Variants in CELF1 observed in about 807,000 individuals in gnomAD.
The protein encoded by CELF1 is CUGBP Elav-like family member 1, also known as 50 kDa nuclear polyadenylated RNA-binding protein.
A neutral mutation model predicts 61.8 loss-of-function variants in CELF1; 10 were observed. That is an observed-to-expected ratio of 0.16 (90% confidence interval 0.10 to 0.27). CELF1 has a LOEUF of 0.27. CELF1 is among the 10% of genes least tolerant of loss of function. The pLI is 1.00. For synonymous variants in CELF1, 236 were observed against 225.1 expected (o/e 1.05, Z -0.43); for missense variants, 380 against 639.1 (o/e 0.59, Z 4.37).
intron 4 of CELF1, 94 bp from the exon 5 acceptor site, chr11:47,487,335 G>A: frequency 6.6e-6 from 6 of 903,960 alleles, no homozygotes; most frequent in Non-Finnish European, 8.6e-6. Flanking sequence ...TCTTAAAAGA[G>A]GGCTGGGTTT....
At chr11:47,529,979 G>A (rs1444798000) in intron 1 of CELF1, among the ~76,000 whole-genome samples, 5 of 152,114 alleles carry the variant, frequency 3.3e-5, no homozygotes, top group African/African-American at 7.2e-5. Flanking sequence ...AGTTTGTAAA[G>A]AGTATATAAA....
intron 3 of CELF1, among the ~76,000 whole-genome samples, chr11:47,493,535 A>G (rs892380680): frequency 9.7e-5 from 14 of 144,052 alleles, no homozygotes; most frequent in Admixed American, 7.0e-4. Context: ...AAAAAAAAAA[A>G]GGGCGTGCAC....
chr11:47,546,608 C>T (rs1376152176), intron 1 of CELF1, among the ~76,000 whole-genome samples: 1 of 152,122 alleles, frequency 6.6e-6, no homozygotes, highest in Admixed American at 6.6e-5. Context: ...ATTATTCTAA[C>T]TAGGCCATTA....
chr11:47,472,984 AAAC>A (rs2078340476), intron 14 of CELF1, 101 bp downstream of exon 14: 12 of 1,364,414 alleles, frequency 8.8e-6, no homozygotes, highest in Non-Finnish European at 1.2e-5. Flanking sequence ...GGCCAAGTTA[AAAC>A]AACACCACAA....
chr11:47,490,484 T>C (rs2090861520), intron 3 of CELF1, among the ~76,000 whole-genome samples: 1 of 149,808 alleles, frequency 6.7e-6, no homozygotes, highest in African/African-American at 2.5e-5. Flanking sequence ...TGGAGTGCAA[T>C]GGCATGATCT....
In CELF1 at chr11:47,472,174, GCTC is replaced by G. The variant is rs2077914426; in HGVS notation, c.*53_*55del. 6.3e-6 allele frequency: 10 copies of G among 1,599,142 alleles called. No homozygotes were observed. In the East Asian group the frequency reaches 2.2e-4, roughly 36 times the overall value. On this transcript the variant is annotated 3_prime_UTR_variant, in exon 15 of 15. Transcript: ENST00000687097. ...CTCAGGGCTTCGAATCATTAAGGGT[GCTC>G]CTCCCCCACTTACCAGAAGACCCTC... is the stretch of plus-strand genomic sequence containing the variant.
chr11:47,468,976 ACAC>A lies in CELF1; in HGVS notation c.*3251_*3253del, dbSNP rs2077129366. On this transcript the variant is annotated 3_prime_UTR_variant, in exon 15 of 15. Transcript: ENST00000687097. ...CCAAACAAAGAGAGAGAGAACAGGA[ACAC>A]TCACTGTGTGTACAGCCCTGAAATG... The A allele has an allele frequency of 6.6e-6, 1 of 152,214 alleles. No homozygotes were observed. Among genetic ancestry groups the A allele is most frequent in the Admixed American group, 6.5e-5 (1 of 15,286 alleles). The allele number at this position is 152,214 out of a possible 1,614,324, so 9.4% of individuals were successfully genotyped here.
chr11:47,473,349 C>A, intron 13 of CELF1, 118 bp from the exon 14 acceptor site: 1 of 934,310 alleles, frequency 1.1e-6, no homozygotes. Flanking sequence ...AACAGAGATT[C>A]ATCTGGGGAA....
At chr11:47,524,207 T>G (rs1367951981) in intron 1 of CELF1, among the ~76,000 whole-genome samples, 1 of 152,102 alleles carries the variant, frequency 6.6e-6, no homozygotes, top group African/African-American at 2.4e-5. Context: ...CCTCATCTTT[T>G]TATACTCAAA....
rs1310947074 is a variant in CELF1 at position 47,470,677 on chromosome 11, G to A, written c.*1553C>T. 3.3e-5 allele frequency: 5 copies of A among 152,160 alleles called. No individual in the cohort carries two copies. The highest frequency in any genetic ancestry group is 7.2e-5 in the African/African-American group (3 of 41,430). 9.4% of individuals were successfully genotyped at this position (152,160 alleles called of 1,614,324 possible). A position where few individuals can be genotyped will look rare whatever the true frequency, so the allele number is the denominator to read the frequency against. On this transcript the variant is annotated 3_prime_UTR_variant, in exon 15 of 15. Transcript: ENST00000687097. The stretch of plus-strand genomic sequence containing the variant: ...TTTATTCTTATCTCTGCTGCTAGGG[G>A]TCAAGACTGGTATTTGTTGAGGTTT...
chr11:47,521,034 G>A (rs1342225237), intron 1 of CELF1, among the ~76,000 whole-genome samples: 1 of 152,192 alleles, frequency 6.6e-6, no homozygotes, highest in Admixed American at 6.5e-5. Flanking sequence ...GGCGGATCAC[G>A]AAGTTAGGAG....
chr11:47,505,371 T>C (rs1055294341), intron 1 of CELF1, among the ~76,000 whole-genome samples: 1 of 151,100 alleles, frequency 6.6e-6, no homozygotes, highest in Non-Finnish European at 1.5e-5. Flanking sequence ...CGGTGGCTCA[T>C]GCCTGGAATC....
intron 9 of CELF1, among the ~76,000 whole-genome samples, chr11:47,480,235 T>C (rs2082256071): frequency 6.6e-6 from 1 of 152,092 alleles, no homozygotes; most frequent in African/African-American, 2.4e-5. Context: ...CACAGGTGTG[T>C]ACCATCACAC....
In CELF1 at chr11:47,474,578, A is replaced by G. The variant is rs541644975; in HGVS notation, c.1273+758T>C. Among the ~76,000 whole-genome samples, 5 of 152,324 alleles carry G rather than the reference A, an allele frequency of 3.3e-5. No individual in the cohort carries two copies. The South Asian group carries it at 8.3e-4, about 25-fold the overall frequency. ...CCACTAAAATATTGGTTCACGCTAC[A>G]TTCTCCTACTACCACATCCCTAGGG... On this transcript the variant is annotated intron_variant, in intron 13 of 14. Transcript: ENST00000687097.
chr11:47,530,439 C>T (rs1000737373), intron 1 of CELF1, among the ~76,000 whole-genome samples: 1 of 152,130 alleles, frequency 6.6e-6, no homozygotes, highest in South Asian at 2.1e-4. Flanking sequence ...ATCAAGATAG[C>T]GTTTGGGACA....
intron 1 of CELF1, among the ~76,000 whole-genome samples, chr11:47,551,702 G>A (rs1038963312): frequency 6.6e-6 from 1 of 152,178 alleles, no homozygotes; most frequent in African/African-American, 2.4e-5. Flanking sequence ...ATCAAAGACA[G>A]TGAAAAGAAC....
Position 47,469,537 on chromosome 11 carries a change from G to C in CELF1, c.*2693C>G, listed in dbSNP as rs923309243. 1.3e-5 allele frequency: 2 copies of C among 152,314 alleles called. No individual in the cohort carries two copies. The highest frequency in any genetic ancestry group is 4.8e-5 in the African/African-American group (2 of 41,474). The allele number at this position is 152,314 out of a possible 1,614,324, so 9.4% of individuals were successfully genotyped here. On this transcript the variant is annotated 3_prime_UTR_variant, in exon 15 of 15. Transcript: ENST00000687097. ...ACAGCGAGTCTCCACTCTGAGCTGA[G>C]CCCTTTCACACGTGAGACTTGTAGG...
intron 6 of CELF1, among the ~76,000 whole-genome samples, chr11:47,486,135 C>T (rs367768130): frequency 1 from 30,051 of 30,056 alleles, 15,023 homozygotes; most frequent in Middle Eastern, 1. Flanking sequence ...TACTCCCGCC[C>T]AGGCAACAGA....
At chr11:47,557,994 T>G (rs1332849288), upstream of CELF1, among the ~76,000 whole-genome samples, 1 of 152,108 alleles carries the variant, frequency 6.6e-6, no homozygotes, top group East Asian at 1.9e-4. Context: ...TAACTGGAAT[T>G]ACCTGTACCT....
Sources: gnomAD v4.1 joint callset for allele counts (sites outside exome capture counted in the v4.1 genomes callset) on GRCh38, gnomAD v4.1.1 for gene constraint, MANE v1.5 for transcripts, NCBI Gene and HGNC (gene_info 2026-07-23, HGNC 2026-07-21) for gene names.